AGBL4: variants seen among roughly 807,000 people sequenced by gnomAD.
AGBL4 encodes the protein cytosolic carboxypeptidase 6.
A neutral mutation model predicts 66.4 loss-of-function variants in AGBL4; 58 were observed. The ratio of observed to expected loss-of-function variants is 0.87; its 90% CI spans 0.71 to 1.09. The LOEUF (loss-of-function observed/expected upper bound fraction) is 1.09. Ranked by LOEUF, AGBL4 falls within the 50% of genes least tolerant of loss-of-function variation. The pLI is 0.00. For synonymous variants in AGBL4, 234 were observed against 222.9 expected, an observed-to-expected ratio of 1.05 and a Z score of -0.44; for missense variants, 579 against 631.0, an observed-to-expected ratio of 0.92 and a Z score of 0.88.
intron 3 of AGBL4, among the ~76,000 whole-genome samples, chr1:49,587,319 A>G (rs532741490): frequency 1.5e-4 from 23 of 152,096 alleles, no homozygotes; most frequent in African/African-American, 5.3e-4. Context: ...AGAAGAGAAG[A>G]GAAAAGAAAA....
intron 2 of AGBL4, among the ~76,000 whole-genome samples, chr1:49,832,913 G>T (rs1343590985): frequency 6.6e-6 from 1 of 152,136 alleles, no homozygotes; most frequent in East Asian, 1.9e-4. Context: ...AGATGAGTAG[G>T]TTGTGAAAAT....
At chr1:48,669,784 T>A (rs1296145293) in intron 6 of AGBL4, among the ~76,000 whole-genome samples, 1 of 152,188 alleles carries the variant, frequency 6.6e-6, no homozygotes, top group Non-Finnish European at 1.5e-5. Context: ...AAGCCACAAC[T>A]CAGATCCATT....
intron 1 of AGBL4, among the ~76,000 whole-genome samples, chr1:49,936,902 C>G (rs990812941): frequency 6.6e-6 from 1 of 152,140 alleles, no homozygotes; most frequent in Non-Finnish European, 1.5e-5. Flanking sequence ...ATTATACAGA[C>G]CATCGAGGCT....
intron 4 of AGBL4, among the ~76,000 whole-genome samples, chr1:49,060,836 C>A (rs1435959169): frequency 6.6e-6 from 1 of 152,170 alleles, no homozygotes; most frequent in African/African-American, 2.4e-5. Flanking sequence ...CTGAACTGAG[C>A]CCCCAGTGGA....
intron 2 of AGBL4, among the ~76,000 whole-genome samples, chr1:49,767,175 A>C (rs968122608): frequency 3.9e-5 from 6 of 152,146 alleles, no homozygotes; most frequent in Non-Finnish European, 8.8e-5. Flanking sequence ...CTGAACACTG[A>C]ATATACTCTA....
chr1:49,601,177 C>A (rs1644951463), intron 3 of AGBL4, among the ~76,000 whole-genome samples: 1 of 152,058 alleles, frequency 6.6e-6, no homozygotes, highest in South Asian at 2.1e-4. Context: ...TTTGGACTGT[C>A]TTGCTAGGTT....
At chr1:48,901,189 A>C (rs1482572195) in intron 5 of AGBL4, among the ~76,000 whole-genome samples, 1 of 152,226 alleles carries the variant, frequency 6.6e-6, no homozygotes, top group African/African-American at 2.4e-5. Flanking sequence ...GACAACTATT[A>C]GAATGGATAA....
At chr1:48,821,628 A>C (rs1353593651) in intron 6 of AGBL4, among the ~76,000 whole-genome samples, 2 of 152,180 alleles carry the variant, frequency 1.3e-5, no homozygotes, top group African/African-American at 4.8e-5. Context: ...ACGTTAAAAA[A>C]TGACCTGTTG....
chr1:49,976,313 G>T (rs568671868), intron 1 of AGBL4, among the ~76,000 whole-genome samples: 20 of 152,246 alleles, frequency 1.3e-4, no homozygotes, highest in Non-Finnish European at 2.8e-4. Flanking sequence ...TATTCTAGCA[G>T]ATTGGTTACA....
At chr1:49,409,492 T>G (rs147543578) in intron 3 of AGBL4, among the ~76,000 whole-genome samples, 1 of 152,062 alleles carries the variant, frequency 6.6e-6, no homozygotes, top group African/African-American at 2.4e-5. Flanking sequence ...ATTAAGCTAA[T>G]AGGGGTGCAA....
At chr1:48,710,183 C>T (rs1398289827) in intron 6 of AGBL4, among the ~76,000 whole-genome samples, 2 of 152,090 alleles carry the variant, frequency 1.3e-5, no homozygotes, top group East Asian at 3.9e-4. Flanking sequence ...GGTTCCCCTG[C>T]CTTGGAGGGA....
At chr1:48,812,569 AG>A (rs1194649434) in intron 6 of AGBL4, among the ~76,000 whole-genome samples, 2 of 152,224 alleles carry the variant, frequency 1.3e-5, no homozygotes, top group African/African-American at 4.8e-5. Flanking sequence ...CCAACCTTTA[AG>A]GATTTCATTT....
intron 4 of AGBL4, among the ~76,000 whole-genome samples, chr1:49,155,665 A>T (rs1376538961): frequency 6.6e-6 from 1 of 152,170 alleles, no homozygotes; most frequent in East Asian, 1.9e-4. Flanking sequence ...GTAAAGTAAG[A>T]TGTCAGGGGG....
chr1:48,892,307 C>A (rs1192657423), intron 5 of AGBL4, among the ~76,000 whole-genome samples: 1 of 152,198 alleles, frequency 6.6e-6, no homozygotes, highest in Non-Finnish European at 1.5e-5. Context: ...CAACCCGAAT[C>A]CAGTGTAATC....
intron 3 of AGBL4, among the ~76,000 whole-genome samples, chr1:49,553,482 A>G (rs1182330175): frequency 6.6e-6 from 1 of 152,184 alleles, no homozygotes; most frequent in African/African-American, 2.4e-5. Context: ...AGTCTATAAT[A>G]GTTTTTGTTC....
chr1:48,998,184 T>A (rs1661154677), intron 5 of AGBL4, among the ~76,000 whole-genome samples: 1 of 152,140 alleles, frequency 6.6e-6, no homozygotes, highest in South Asian at 2.1e-4. Flanking sequence ...TCCTCCTGAT[T>A]TAATAAACAA....
At chr1:48,574,994 C>T (rs76665576) in intron 11 of AGBL4, among the ~76,000 whole-genome samples, 6,426 of 152,196 alleles carry the variant, frequency 0.042, 170 homozygotes, top group South Asian at 0.079. Context: ...TGACCATGTC[C>T]TACACGTAGT....
chr1:48,875,080 T>C (rs191540492), intron 5 of AGBL4, among the ~76,000 whole-genome samples: 2 of 152,278 alleles, frequency 1.3e-5, no homozygotes, highest in East Asian at 3.9e-4. Context: ...TTGCTGGGGA[T>C]AGAGTGAGAA....
At chr1:49,785,347 T>C (rs955894550) in intron 2 of AGBL4, among the ~76,000 whole-genome samples, 1 of 152,082 alleles carries the variant, frequency 6.6e-6, no homozygotes, top group South Asian at 2.1e-4. Context: ...TACAAAAAAA[T>C]GACAAATATG....
Sources: gnomAD v4.1 joint callset for allele counts (sites outside exome capture counted in the v4.1 genomes callset) on GRCh38, gnomAD v4.1.1 for gene constraint, MANE v1.5 for transcripts, NCBI Gene and HGNC (gene_info 2026-07-23, HGNC 2026-07-21) for gene names.